The following ADCY9 variants were observed in gnomAD, a reference collection of about 807,000 sequenced individuals.
The protein encoded by ADCY9 is adenylate cyclase 9, also known as adenylate cyclase type 9.
ADCY9 carries 50 observed loss-of-function variants against 101.5 expected under a neutral mutation model. That is an observed-to-expected ratio of 0.49 (90% CI 0.39 to 0.62). The LOEUF is 0.62. Among genes scored for constraint, ADCY9 ranks in the 20% least tolerant of loss-of-function variants. ADCY9 has a pLI of 0.00. For missense variants in ADCY9, 1,662 were observed against 1,800.4 expected (o/e 0.92, Z 1.39); for synonymous variants, 905 against 769.3 (o/e 1.18, Z -2.92).
chr16:4,001,627 C>T (rs2056331355), intron 3 of ADCY9, among the ~76,000 whole-genome samples: 1 of 152,170 alleles, frequency 6.6e-6, no homozygotes, highest in Admixed American at 6.5e-5. Context: ...TGGCTCACTG[C>T]AGCCTCTGCC....
Position 3,965,899 on chromosome 16 carries a change from T to C in ADCY9, c.3938A>G (p.Lys1313Arg). 1 of 1,614,230 alleles carries C rather than the reference T, an allele frequency of 6.2e-7. No homozygotes were observed. The highest frequency in any genetic ancestry group is 8.5e-7 in the Non-Finnish European group (1 of 1,180,040). The change falls in exon 11 of 11, where the codon AAG becomes AGG. Residue 1313 changes from lysine to arginine, a missense_variant. Coordinates refer to ENST00000294016, the MANE Select transcript of ADCY9 (RefSeq NM_001116.4). ...CCTTTCTTCGGCTTTGACGGGCTCC[T>C]TCCACGGTCTCTTGGGGGACAGGTG... ...DAHLSPKRPW[K>R]EPVKAEERGR...
At chr16:3,989,161 T>C in intron 5 of ADCY9, 65 bp from the exon 6 acceptor site, 1 of 1,251,412 alleles carries the variant, frequency 8.0e-7, no homozygotes, top group East Asian at 2.3e-5. Flanking sequence ...TGTTTTCAGA[T>C]CATAATTAGC....
chr16:4,011,463 G>A (rs1249624332), intron 2 of ADCY9, among the ~76,000 whole-genome samples: 1 of 152,212 alleles, frequency 6.6e-6, no homozygotes, highest in Non-Finnish European at 1.5e-5. Context: ...CAGCCACAGC[G>A]GGTGGGAAGT....
Position 3,963,581 on chromosome 16 carries a change from G to A in ADCY9, c.*2194C>T, listed in dbSNP as rs1038147657. 2.7e-5 allele frequency: 10 copies of A among 370,786 alleles called. No individual in the cohort carries two copies. The highest frequency in any genetic ancestry group is 1.5e-4 in the East Asian group (4 of 25,964). The allele number at this position is 370,786 out of a possible 1,614,324, so 23.0% of individuals were successfully genotyped here. On this transcript the variant is annotated 3_prime_UTR_variant, in exon 11 of 11. Coordinates refer to ENST00000294016, the MANE Select transcript of ADCY9 (RefSeq NM_001116.4). Reference sequence around the variant, plus strand: ...CTTTGCAGCTCCTTGGTTTCCCGGGGTGAGGAATCACAAACACCTTTGTGG... The same window carrying A: ...CTTTGCAGCTCCTTGGTTTCCCGGGATGAGGAATCACAAACACCTTTGTGG...
chr16:4,045,594 TAAAAAAA>T (rs545715002), intron 2 of ADCY9, among the ~76,000 whole-genome samples: 14,963 of 65,082 alleles, frequency 0.23, 1,118 homozygotes, highest in Middle Eastern at 0.32. Flanking sequence ...GACTCTGCCT[TAAAAAAA>T]AAAAAAAAAA....
rs1246814546 is a variant in ADCY9, at chr16:3,966,859, A to C, written c.2978T>G (p.Val993Gly). Reference sequence around the variant, plus strand: ...TTCAAATTCGCGATTCAGGAACCAGACCAACAAGAGCAGGAGAAAGAAGAC... The same window carrying C: ...TTCAAATTCGCGATTCAGGAACCAGCCCAACAAGAGCAGGAGAAAGAAGAC... ...VLVFFLLLLL[V>G]WFLNREFEVS... The change falls in exon 11 of 11, where the codon GTC (valine) becomes GGC (glycine). Residue 993 changes from valine (V) to glycine (G), a missense_variant. Physicochemically the swap from Val to Gly is moderately radical, Grantham distance 109. Around this residue, in one of 5 missense-constraint regions of ADCY9, gnomAD observed 624 missense variants for 639.1 expected, o/e 0.98. Coordinates refer to ENST00000294016, the MANE Select transcript of ADCY9 (RefSeq NM_001116.4). 3 of 1,614,068 alleles carry C rather than the reference A, an allele frequency of 1.9e-6. No homozygotes were observed. Among genetic ancestry groups the C allele is most frequent in the Non-Finnish European group, 2.5e-6 (3 of 1,180,044 alleles).
In ADCY9 at chr16:4,114,595, C is replaced by T. The variant is rs768888768; in HGVS notation, c.848G>A (p.Ser283Asn). The T allele has an allele frequency of 6.2e-7, 1 of 1,613,886 alleles. No homozygotes were observed. The highest frequency in any genetic ancestry group is 1.1e-5 in the South Asian group (1 of 91,088). Residue 283 changes from serine to asparagine, a missense_variant, in exon 2 of 11, where the codon AGC (serine) becomes AAC (asparagine). Coordinates refer to ENST00000294016, the MANE Select transcript of ADCY9 (RefSeq NM_001116.4). This position sits in a 1 kb window ranked among gnomAD's most constrained non-coding sequence, Gnocchi z 4.3. Reference protein sequence around the residue: ...GAGALHWELLSRGLLHGCIHA... With the variant: ...GAGALHWELLNRGLLHGCIHA... The stretch of plus-strand genomic sequence containing the variant: ...GATGCAGCCGTGGAGCAGCCCCCTG[C>T]TCAGCAGCTCCCAGTGCAGGGCCCC...
chr16:4,060,299 A>G (rs1278864260), intron 2 of ADCY9, among the ~76,000 whole-genome samples: 4 of 152,346 alleles, frequency 2.6e-5, no homozygotes, highest in African/African-American at 7.2e-5. Flanking sequence ...AGTCCCACAC[A>G]TTCTTCGTGC....
intron 2 of ADCY9, among the ~76,000 whole-genome samples, chr16:4,106,722 G>A (rs2057079724): frequency 6.6e-6 from 1 of 152,232 alleles, no homozygotes; most frequent in African/African-American, 2.4e-5. Context: ...GGCCCACGCA[G>A]GCTTCTGCAC....
At chr16:4,063,364 T>C (rs2056783224) in intron 2 of ADCY9, among the ~76,000 whole-genome samples, 1 of 151,684 alleles carries the variant, frequency 6.6e-6, no homozygotes. Context: ...GAGAAATTTA[T>C]AATGTTAAAA....
rs1453783151 is a variant in ADCY9 at position 4,114,925 on chromosome 16, G to A, written c.518C>T (p.Ala173Val). 1.2e-6 allele frequency: 2 copies of A among 1,613,852 alleles called. No homozygotes were observed. The highest frequency in any genetic ancestry group is 2.2e-5 in the East Asian group (1 of 44,894). Residue 173 changes from alanine to valine, a missense_variant, in exon 2 of 11, where the codon GCG becomes GTG. Around this residue, in one of 5 missense-constraint regions of ADCY9, gnomAD observed 422 missense variants for 392.0 expected, o/e 1.08. Transcript: ENST00000294016. The surrounding 1 kb of genome is among the most constrained non-coding windows in gnomAD (Gnocchi z 4.3). ...TFTKLYARHY[A>V]WTSLALTLLV... The stretch of plus-strand genomic sequence containing the variant: ...CAGGGTGAGAGCCAGCGAGGTCCAC[G>A]CGTAATGCCGGGCGTACAGCTTGGT...
chr16:4,031,889 A>T (rs2056557651), intron 2 of ADCY9: 1 of 152,056 alleles, frequency 6.6e-6, no homozygotes, highest in Non-Finnish European at 1.5e-5. Context: ...TAAATAAATA[A>T]AATTAATTAA....
At chr16:4,095,667 AG>A (rs1567146123) in intron 2 of ADCY9, among the ~76,000 whole-genome samples, 1 of 152,168 alleles carries the variant, frequency 6.6e-6, no homozygotes. Context: ...AGTGTTTCTC[AG>A]ACTTTCAAAA....
At chr16:3,954,289 G>T (rs563096803) in intron 5 of ADCY9, among the ~76,000 whole-genome samples, 136 of 152,252 alleles carry the variant, frequency 8.9e-4, no homozygotes, top group African/African-American at 3.0e-3. Flanking sequence ...CACTCTTCTG[G>T]GCATTCCCAG....
Position 3,963,443 on chromosome 16 carries a change from G to T in ADCY9, c.*2332C>A. On this transcript the variant is annotated 3_prime_UTR_variant, in exon 11 of 11. Transcript: ENST00000294016. Reference sequence around the variant, plus strand: ...GGAGCAGGGGACGGGGAGGACCCGAGGGGCTTCGTGGCCCAGAGAGAACGT... The same window carrying T: ...GGAGCAGGGGACGGGGAGGACCCGATGGGCTTCGTGGCCCAGAGAGAACGT... The T allele has an allele frequency of 2.5e-6, 1 of 397,590 alleles. No homozygotes were observed. Among genetic ancestry groups the T allele is most frequent in the South Asian group, 1.3e-4 (1 of 7,814 alleles). 24.6% of individuals were successfully genotyped at this position (397,590 alleles called of 1,614,324 possible).
intron 3 of ADCY9, among the ~76,000 whole-genome samples, chr16:4,003,526 A>T (rs2056345804): frequency 6.6e-6 from 1 of 151,216 alleles, no homozygotes; most frequent in Admixed American, 6.6e-5. Context: ...GAAAACTCTC[A>T]CTTAGAGGAA....
At chr16:3,998,325 C>A (rs569297843) in intron 3 of ADCY9, among the ~76,000 whole-genome samples, 2 of 151,834 alleles carry the variant, frequency 1.3e-5, no homozygotes, top group African/African-American at 4.8e-5. Flanking sequence ...GTGGGAGGGT[C>A]GCTTGAGCCC....
downstream of ADCY9, among the ~76,000 whole-genome samples, chr16:3,958,927 G>A (rs868007250): frequency 1.7e-4 from 26 of 151,574 alleles, no homozygotes; most frequent in South Asian, 4.2e-4. Context: ...CTCCCGCCTC[G>A]GCCTCCCAAA....
chr16:4,011,462 C>A (rs944692275), intron 2 of ADCY9, among the ~76,000 whole-genome samples: 5 of 152,076 alleles, frequency 3.3e-5, no homozygotes, highest in Non-Finnish European at 5.9e-5. Flanking sequence ...CCAGCCACAG[C>A]GGGTGGGAAG....
Sources: gnomAD v4.1 joint callset for allele counts (sites outside exome capture counted in the v4.1 genomes callset) on GRCh38, gnomAD v4.1.1 for gene constraint, gnomAD v4.1.1 regional missense constraint, Gnocchi (gnomAD v3.1) non-coding constraint, MANE v1.5 for transcripts, NCBI Gene and HGNC (gene_info 2026-07-23, HGNC 2026-07-21) for gene names.